The following ASIC2 variants were observed in gnomAD, a reference collection of about 807,000 sequenced individuals.
ASIC2 encodes acid sensing ion channel subunit 2.
ASIC2 carries 25 observed loss-of-function variants against 57.3 expected under a neutral mutation model. The observed-to-expected ratio is 0.44, with a 90% CI of 0.32 to 0.61. ASIC2 has a LOEUF of 0.61. Ranked by LOEUF, ASIC2 falls within the 20% of genes least tolerant of loss-of-function variation. ASIC2 has a pLI of 0.06. For synonymous variants in ASIC2, 319 were observed against 307.5 expected (o/e 1.04, Z -0.39); for missense variants, 641 against 738.1 (o/e 0.87, Z 1.52).
At chr17:34,073,789 A>C (rs1387539505) in intron 1 of ASIC2, among the ~76,000 whole-genome samples, 1 of 152,192 alleles carries the variant, frequency 6.6e-6, no homozygotes, top group Non-Finnish European at 1.5e-5. Flanking sequence ...TTGGGGCAAC[A>C]GTGGGAGGGG....
intron 1 of ASIC2, among the ~76,000 whole-genome samples, chr17:33,230,675 T>A (rs748790368): frequency 3.3e-5 from 5 of 151,686 alleles, no homozygotes; most frequent in Non-Finnish European, 7.4e-5. Context: ...GTCAGTATTG[T>A]GTAAGCTGTC....
intron 1 of ASIC2, among the ~76,000 whole-genome samples, chr17:33,765,310 G>C (rs566459093): frequency 6.6e-6 from 1 of 151,926 alleles, no homozygotes; most frequent in African/African-American, 2.4e-5. Context: ...GGGTTTCACC[G>C]TATTAGCCAG....
intron 1 of ASIC2, among the ~76,000 whole-genome samples, chr17:33,512,417 G>A (rs1243475120): frequency 6.6e-6 from 1 of 152,198 alleles, no homozygotes; most frequent in Non-Finnish European, 1.5e-5. Flanking sequence ...AGCATCAGTT[G>A]TCCTTGATCT....
At chr17:33,418,541 T>G (rs1910938074) in intron 1 of ASIC2, among the ~76,000 whole-genome samples, 1 of 152,190 alleles carries the variant, frequency 6.6e-6, no homozygotes, top group Non-Finnish European at 1.5e-5. Flanking sequence ...GAGTTAATTT[T>G]TGTATAAGGT....
At chr17:33,031,815 C>T (rs1174519631) in intron 3 of ASIC2, among the ~76,000 whole-genome samples, 1 of 152,178 alleles carries the variant, frequency 6.6e-6, no homozygotes, top group East Asian at 1.9e-4. Flanking sequence ...GCTACATCTT[C>T]TGGATGACTT....
chr17:34,062,079 C>T (rs192781214), intron 1 of ASIC2, among the ~76,000 whole-genome samples: 18 of 152,048 alleles, frequency 1.2e-4, no homozygotes, highest in Non-Finnish European at 1.8e-4. Flanking sequence ...ACATTCTATT[C>T]GACAGTGCAT....
chr17:33,474,012 C>A (rs1913137721), intron 1 of ASIC2, among the ~76,000 whole-genome samples: 2 of 152,358 alleles, frequency 1.3e-5, no homozygotes, highest in South Asian at 4.1e-4. Context: ...TCTACTCTGT[C>A]CTTGAGCTGT....
At chr17:33,773,912 C>T (rs1911191239) in intron 1 of ASIC2, among the ~76,000 whole-genome samples, 1 of 152,152 alleles carries the variant, frequency 6.6e-6, no homozygotes, top group Non-Finnish European at 1.5e-5. Flanking sequence ...AGCAATCCTC[C>T]TTTCTCAGCC....
At chr17:33,312,190 G>C (rs1465039145) in intron 1 of ASIC2, among the ~76,000 whole-genome samples, 6 of 152,172 alleles carry the variant, frequency 3.9e-5, no homozygotes, top group Non-Finnish European at 8.8e-5. Context: ...AAATAAGTGA[G>C]AGCAATATAG....
chr17:34,020,151 C>G (rs1907104108), intron 1 of ASIC2, among the ~76,000 whole-genome samples: 1 of 152,188 alleles, frequency 6.6e-6, no homozygotes, highest in South Asian at 2.1e-4. Flanking sequence ...ATATTAACAG[C>G]ATAATTGCAG....
intron 1 of ASIC2, among the ~76,000 whole-genome samples, chr17:33,372,412 C>T (rs1314276188): frequency 6.6e-6 from 1 of 152,128 alleles, no homozygotes; most frequent in African/African-American, 2.4e-5. Context: ...GCTCTGCCTA[C>T]CCCCTGGGGC....
chr17:33,870,874 C>T (rs1914386811), intron 1 of ASIC2, among the ~76,000 whole-genome samples: 1 of 152,246 alleles, frequency 6.6e-6, no homozygotes, highest in South Asian at 2.1e-4. Context: ...AATATAAGTG[C>T]TAAACATAAT....
At chr17:34,039,417 C>T (rs1321951276) in intron 1 of ASIC2, 1 of 1,613,848 alleles carries the variant, frequency 6.2e-7, no homozygotes, top group Non-Finnish European at 8.5e-7. Context: ...TTGCTAGCAT[C>T]ACTGACATGA....
At chr17:33,218,665 A>C (rs778008280) in intron 1 of ASIC2, among the ~76,000 whole-genome samples, 5 of 152,108 alleles carry the variant, frequency 3.3e-5, no homozygotes, top group African/African-American at 1.2e-4. Context: ...ACTCTATCCT[A>C]TGGTTTGTGG....
chr17:33,073,486 A>G (rs961092751), intron 3 of ASIC2, among the ~76,000 whole-genome samples: 1 of 152,182 alleles, frequency 6.6e-6, no homozygotes, highest in Non-Finnish European at 1.5e-5. Context: ...TTCCCCATGT[A>G]TAAGATGGGC....
intron 3 of ASIC2, among the ~76,000 whole-genome samples, chr17:33,062,261 C>T (rs1261440689): frequency 6.6e-6 from 1 of 152,120 alleles, no homozygotes; most frequent in Non-Finnish European, 1.5e-5. Context: ...GTTAGGGTGT[C>T]AATTTTAGAT....
intron 1 of ASIC2, among the ~76,000 whole-genome samples, chr17:33,738,356 G>T (rs1303851399): frequency 1.3e-5 from 2 of 152,042 alleles, no homozygotes; most frequent in East Asian, 3.9e-4. Flanking sequence ...AGACCTTCAG[G>T]ATCCCCTTTT....
intron 1 of ASIC2, among the ~76,000 whole-genome samples, chr17:33,665,006 A>G (rs933947387): frequency 6.6e-5 from 10 of 152,200 alleles, no homozygotes; most frequent in Admixed American, 1.3e-4. Flanking sequence ...CCAAGCATAT[A>G]ATATCATTCA....
chr17:33,358,092 T>C (rs1474032757), intron 1 of ASIC2, among the ~76,000 whole-genome samples: 2 of 152,258 alleles, frequency 1.3e-5, no homozygotes, highest in Non-Finnish European at 2.9e-5. Context: ...CAGCCAAATG[T>C]GGCTCGCCAC....
Sources: allele counts gnomAD v4.1 joint callset (sites outside exome capture counted in the v4.1 genomes callset), GRCh38; gene constraint gnomAD v4.1.1; transcripts MANE v1.5; gene names NCBI Gene and HGNC (gene_info 2026-07-23, HGNC 2026-07-21).